Variants in CARF observed in about 807,000 individuals in gnomAD.
The protein encoded by CARF is calcium responsive transcription factor, also known as calcium-responsive transcription factor.
A neutral mutation model predicts 82.0 loss-of-function variants in CARF; 57 were observed. The ratio of observed to expected loss-of-function variants is 0.70; its 90% CI spans 0.56 to 0.87. The LOEUF is 0.87. Among genes scored for constraint, CARF ranks in the 40% least tolerant of loss-of-function variants. CARF has a pLI of 0.00. For synonymous variants in CARF, 268 were observed against 290.1 expected (o/e 0.92, Z 0.77); for missense variants, 771 against 855.8 (o/e 0.90, Z 1.24).
chr2:202,949,342 C>CAA (rs540061451), intron 5 of CARF, among the ~76,000 whole-genome samples: 8 of 114,036 alleles, frequency 7.0e-5, no homozygotes, highest in South Asian at 2.8e-4. Flanking sequence ...GACTCCATCT[C>CAA]AAAAAAAAAA....
At chr2:202,916,683 G>T (rs1242175807) in intron 1 of CARF, among the ~76,000 whole-genome samples, 3 of 152,176 alleles carry the variant, frequency 2.0e-5, no homozygotes, top group Non-Finnish European at 4.4e-5. Flanking sequence ...ACAGAAGTCT[G>T]TGAAGGATAC....
chr2:202,973,115 T>G (rs1331459615), intron 12 of CARF, among the ~76,000 whole-genome samples: 2 of 152,190 alleles, frequency 1.3e-5, no homozygotes, highest in Non-Finnish European at 2.9e-5. Flanking sequence ...TTGTATGTCC[T>G]TTCACTTAAG....
At chr2:202,927,050 A>G (rs1342490871) in intron 3 of CARF, among the ~76,000 whole-genome samples, 1 of 152,148 alleles carries the variant, frequency 6.6e-6, no homozygotes, top group East Asian at 1.9e-4. Flanking sequence ...TCCTGAGTTC[A>G]AGCAGTGTGC....
At chr2:202,955,607 A>T in intron 7 of CARF, 67 bp from the exon 8 acceptor site, 1 of 1,130,396 alleles carries the variant, frequency 8.8e-7, no homozygotes. Flanking sequence ...TAAGAGGATA[A>T]AGCAGTTGAA....
intron 12 of CARF, among the ~76,000 whole-genome samples, chr2:202,972,177 T>C (rs1249917011): frequency 6.6e-6 from 1 of 152,010 alleles, no homozygotes; most frequent in East Asian, 1.9e-4. Context: ...TGTAGTACTC[T>C]GGTCTAAGTT....
chr2:202,957,103 C>G (rs1431551684), intron 8 of CARF, among the ~76,000 whole-genome samples: 1 of 152,104 alleles, frequency 6.6e-6, no homozygotes, highest in Non-Finnish European at 1.5e-5. Context: ...TCACCAGATT[C>G]TTTTAGTTTT....
chr2:202,922,465 C>A (rs1691012551), intron 2 of CARF, among the ~76,000 whole-genome samples: 1 of 152,056 alleles, frequency 6.6e-6, no homozygotes, highest in African/African-American at 2.4e-5. Flanking sequence ...TAATATAGTA[C>A]TGGAAGTCCT....
chr2:202,935,385 A>G (rs919337544), intron 3 of CARF, among the ~76,000 whole-genome samples: 2 of 149,774 alleles, frequency 1.3e-5, no homozygotes, highest in African/African-American at 4.9e-5. Flanking sequence ...TTATCAGTGT[A>G]TGACCAATCT....
chr2:202,946,787 A>G (rs1004247772), intron 5 of CARF, among the ~76,000 whole-genome samples: 1 of 152,222 alleles, frequency 6.6e-6, no homozygotes, highest in Non-Finnish European at 1.5e-5. Context: ...AAGTTAAACA[A>G]ATTTACAAGA....
At chr2:202,955,819 CA>C in intron 8 of CARF, 61 bp downstream of exon 8, 2 of 1,267,440 alleles carry the variant, frequency 1.6e-6, no homozygotes, top group Middle Eastern at 1.9e-4. Flanking sequence ...AGGTCATCCC[CA>C]AATGCCACTT....
chr2:202,920,006 C>T (rs557526252), intron 2 of CARF, among the ~76,000 whole-genome samples: 1 of 152,138 alleles, frequency 6.6e-6, no homozygotes, highest in East Asian at 1.9e-4. Context: ...GAGCAATGAA[C>T]CTCATCATCT....
chr2:202,974,323 A>G lies in CARF; in HGVS notation c.1332-11A>G. ...GGTTTATGTCTTTATTCCATTTTGTATTCTTTACAGAAAATTTGTGGAAAG... is the reference window on the plus strand; with the variant it reads ...GGTTTATGTCTTTATTCCATTTTGTGTTCTTTACAGAAAATTTGTGGAAAG... On this transcript the variant is annotated splice_polypyrimidine_tract_variant and intron_variant, in intron 12 of 16. Coordinates refer to ENST00000438828, the MANE Select transcript of CARF (RefSeq NM_024744.17). The G allele has an allele frequency of 1.3e-6, 2 of 1,567,966 alleles. No homozygotes were observed. The highest frequency in any genetic ancestry group is 2.3e-5 in the East Asian group (1 of 43,660).
chr2:202,975,458 A>T (rs557450673), intron 13 of CARF, among the ~76,000 whole-genome samples: 6 of 149,888 alleles, frequency 4.0e-5, no homozygotes, highest in Admixed American at 2.7e-4. Flanking sequence ...AAGAAAAAAA[A>T]ATTAGCTGGG....
At chr2:202,914,805 A>G (rs1325885343) in intron 1 of CARF, among the ~76,000 whole-genome samples, 1 of 149,988 alleles carries the variant, frequency 6.7e-6, no homozygotes, top group East Asian at 1.9e-4. Flanking sequence ...ACAAAAAATC[A>G]GAGCAAAAAG....
intron 3 of CARF, among the ~76,000 whole-genome samples, chr2:202,932,940 C>G (rs1693213357): frequency 6.6e-6 from 1 of 152,110 alleles, no homozygotes; most frequent in Non-Finnish European, 1.5e-5. Context: ...GGCCACAGCA[C>G]CAGTTCTCCA....
At chr2:202,916,327 C>T (rs745504865) in intron 1 of CARF, among the ~76,000 whole-genome samples, 19 of 152,086 alleles carry the variant, frequency 1.2e-4, no homozygotes, top group East Asian at 3.9e-4. Context: ...ACTATAGGTG[C>T]GCACCACCAC....
rs190172501 is a variant in CARF at position 202,914,139 on chromosome 2, G to T, written c.-330+1037G>T. Among the ~76,000 whole-genome samples the T allele has an allele frequency of 2.8e-3, 422 of 152,156 alleles. 1 individual carries two copies. Among genetic ancestry groups the T allele is most frequent in the Middle Eastern group, 0.017 (5 of 294 alleles). On this transcript the variant is annotated intron_variant, in intron 1 of 16. Transcript: ENST00000438828. ...TACTTTGAGTCTTTTTCTTTAGTTG[G>T]AACATTAATTGCAAGCTTTTGGTTG...
In CARF at chr2:202,970,752, ATATAATTT is replaced by A. The variant is rs534765879; in HGVS notation, c.1097+692_1097+699del. 1.6e-4 allele frequency among the ~76,000 whole-genome samples: 25 copies of A among 152,338 alleles called. No homozygotes were observed. The East Asian group carries it at 4.4e-3, about 27-fold the overall frequency. ...GATCCTGCAGTTTGAAGAGCATTGC[ATATAATTT>A]TTAAGTAGGCATTGTCAGTTATTGT... On this transcript the variant is annotated intron_variant, in intron 11 of 16. Transcript: ENST00000438828.
intron 13 of CARF, 129 bp downstream of exon 13, chr2:202,974,625 G>A (rs566447511): frequency 2.1e-5 from 18 of 843,684 alleles, no homozygotes; most frequent in Middle Eastern, 3.2e-4. Context: ...TAGGCCGGGC[G>A]TGGTGGCTCA....
Sources: allele counts gnomAD v4.1 joint callset (sites outside exome capture counted in the v4.1 genomes callset), GRCh38; gene constraint gnomAD v4.1.1; transcripts MANE v1.5; gene names NCBI Gene and HGNC (gene_info 2026-07-23, HGNC 2026-07-21).